The following CACNA1C variants were observed in gnomAD, a reference collection of about 807,000 sequenced individuals.
CACNA1C encodes the protein voltage-dependent L-type calcium channel subunit alpha-1C.
CACNA1C carries 30 observed loss-of-function variants against 229.0 expected under a neutral mutation model. The observed-to-expected ratio is 0.13, with a 90% CI of 0.10 to 0.18. The LOEUF (loss-of-function observed/expected upper bound fraction) is 0.18, where lower values mean the gene tolerates loss of function less well. CACNA1C is among the 10% of genes least tolerant of loss of function. The pLI is 1.00. For synonymous variants in CACNA1C, 1,114 were observed against 1,132.5 expected (o/e 0.98, Z 0.33); for missense variants, 1,658 against 2,845.0 (o/e 0.58, Z 9.49).
intron 3 of CACNA1C, among the ~76,000 whole-genome samples, chr12:2,230,247 A>C (rs1394532888): frequency 6.6e-6 from 1 of 152,084 alleles, no homozygotes. Flanking sequence ...TCGCGGTCAG[A>C]GGTCGGGAAG....
At chr12:2,396,955 A>C (rs937565723) in intron 3 of CACNA1C, among the ~76,000 whole-genome samples, 2 of 152,248 alleles carry the variant, frequency 1.3e-5, no homozygotes, top group African/African-American at 2.4e-5. Context: ...TCTGGGCCAC[A>C]CATCTGTCTC....
At chr12:2,247,214 C>T (rs1016701760) in intron 3 of CACNA1C, among the ~76,000 whole-genome samples, 11 of 152,242 alleles carry the variant, frequency 7.2e-5, no homozygotes, top group African/African-American at 2.6e-4. Context: ...CTGTTATAAC[C>T]TTGCTCTCTC....
chr12:2,620,285 A>G (rs755170563), intron 29 of CACNA1C, among the ~76,000 whole-genome samples: 5 of 152,150 alleles, frequency 3.3e-5, no homozygotes, highest in Non-Finnish European at 5.9e-5. Flanking sequence ...CTTAATAGGA[A>G]TGCATTTAAT....
intron 3 of CACNA1C, among the ~76,000 whole-genome samples, chr12:2,387,328 T>C (rs2098409062): frequency 6.6e-6 from 1 of 151,810 alleles, no homozygotes; most frequent in Non-Finnish European, 1.5e-5. Flanking sequence ...CTACTGAAAA[T>C]ACAAAAATTA....
chr12:2,177,871 G>A (rs941586673), intron 3 of CACNA1C, among the ~76,000 whole-genome samples: 8 of 151,682 alleles, frequency 5.3e-5, no homozygotes, highest in South Asian at 2.1e-4. Context: ...TCCTGACCTC[G>A]GGTGATCCAT....
At chr12:2,042,447 ATTCT>A (rs1200275787) in intron 1 of CACNA1C, among the ~76,000 whole-genome samples, 2 of 152,220 alleles carry the variant, frequency 1.3e-5, no homozygotes, top group Non-Finnish European at 2.9e-5. Context: ...TTTCGAGGTA[ATTCT>A]TAATATAAAA....
chr12:2,212,241 T>G (rs2097944337), intron 3 of CACNA1C, among the ~76,000 whole-genome samples: 1 of 152,248 alleles, frequency 6.6e-6, no homozygotes, highest in African/African-American at 2.4e-5. Flanking sequence ...TAGCCACTGT[T>G]TACATTTCCT....
chr12:2,090,565 G>A (rs1333845921), intron 1 of CACNA1C, among the ~76,000 whole-genome samples: 5 of 152,194 alleles, frequency 3.3e-5, no homozygotes, highest in East Asian at 1.9e-4. Context: ...TGATCTGCTC[G>A]CCTTGGCCTC....
At chr12:2,540,254 G>A (rs984824861) in intron 9 of CACNA1C, among the ~76,000 whole-genome samples, 1 of 152,164 alleles carries the variant, frequency 6.6e-6, no homozygotes, top group Non-Finnish European at 1.5e-5. Context: ...CCGGCACCTA[G>A]GAGTCCCCTT....
intron 9 of CACNA1C, among the ~76,000 whole-genome samples, chr12:2,529,105 G>A (rs1256438985): frequency 6.6e-6 from 1 of 152,216 alleles, no homozygotes; most frequent in Non-Finnish European, 1.5e-5. Context: ...ATGACTTTTA[G>A]CTGCATATGT....
chr12:2,065,067 C>T (rs2058840488), intron 1 of CACNA1C, among the ~76,000 whole-genome samples: 1 of 152,182 alleles, frequency 6.6e-6, no homozygotes, highest in Non-Finnish European at 1.5e-5. Flanking sequence ...CCTCACTGGC[C>T]CTGCTCACAG....
At chr12:2,035,446 G>A (rs1392311453) in intron 1 of CACNA1C, among the ~76,000 whole-genome samples, 2 of 152,208 alleles carry the variant, frequency 1.3e-5, no homozygotes, top group Non-Finnish European at 2.9e-5. Context: ...ACAAGCGGCC[G>A]GGAGGTGATG....
At chr12:2,104,137 G>A (rs1357691195) in intron 1 of CACNA1C, among the ~76,000 whole-genome samples, 1 of 152,156 alleles carries the variant, frequency 6.6e-6, no homozygotes, top group Non-Finnish European at 1.5e-5. Flanking sequence ...GCTTGATAAG[G>A]ATAGCATTAT....
intron 29 of CACNA1C, among the ~76,000 whole-genome samples, chr12:2,629,294 T>C (rs2089086952): frequency 1.6e-5 from 1 of 63,622 alleles, no homozygotes; most frequent in Non-Finnish European, 3.0e-5. Context: ...CTTACATAGG[T>C]AGTCATCCCA....
chr12:2,109,244 C>G (rs1028862474), intron 1 of CACNA1C, among the ~76,000 whole-genome samples: 38 of 152,136 alleles, frequency 2.5e-4, no homozygotes, highest in African/African-American at 9.2e-4. Context: ...CTTTCCAATG[C>G]CAGGGGCGTT....
intron 3 of CACNA1C, among the ~76,000 whole-genome samples, chr12:2,124,674 G>A (rs573252473): frequency 3.3e-5 from 5 of 152,300 alleles, no homozygotes; most frequent in East Asian, 3.9e-4. Flanking sequence ...TAGAGAGGGG[G>A]CAGTGGATTT....
chr12:2,522,423 C>A (rs893789067), intron 9 of CACNA1C, among the ~76,000 whole-genome samples: 1 of 152,190 alleles, frequency 6.6e-6, no homozygotes, highest in Non-Finnish European at 1.5e-5. Flanking sequence ...CCTAGTTGGC[C>A]AAATACCATT....
intron 3 of CACNA1C, among the ~76,000 whole-genome samples, chr12:2,320,626 G>A (rs919008175): frequency 6.6e-6 from 1 of 152,156 alleles, no homozygotes; most frequent in Non-Finnish European, 1.5e-5. Context: ...TGGTTTCTCT[G>A]GGGTTTCTTT....
chr12:2,245,201 T>C (rs779156627), intron 3 of CACNA1C, among the ~76,000 whole-genome samples: 1 of 152,232 alleles, frequency 6.6e-6, no homozygotes, highest in Non-Finnish European at 1.5e-5. Flanking sequence ...GTTCAATTAA[T>C]GGCATTCTGT....
Sources: allele counts gnomAD v4.1 joint callset (sites outside exome capture counted in the v4.1 genomes callset), GRCh38; gene constraint gnomAD v4.1.1; transcripts MANE v1.5; gene names NCBI Gene and HGNC (gene_info 2026-07-23, HGNC 2026-07-21).